Variants in NRG1 observed in about 807,000 individuals in gnomAD.
The protein encoded by NRG1 is pro-neuregulin-1, membrane-bound isoform.
A neutral mutation model predicts 63.8 loss-of-function variants in NRG1; 18 were observed. That is an observed-to-expected ratio of 0.28 (90% CI 0.19 to 0.42). NRG1 has a LOEUF of 0.42. NRG1 is among the 10% of genes least tolerant of loss of function. The pLI is 1.00. For missense variants in NRG1, 762 were observed against 814.7 expected (o/e 0.94, Z 0.79); for synonymous variants, 302 against 301.3 (o/e 1.00, Z -0.02).
chr8:31,804,774 A>G (rs1016492995), intron 1 of NRG1, among the ~76,000 whole-genome samples: 2 of 152,240 alleles, frequency 1.3e-5, no homozygotes, highest in Admixed American at 6.5e-5. Flanking sequence ...TATCTCCTTT[A>G]CTTGTGGTCA....
intron 1 of NRG1, among the ~76,000 whole-genome samples, chr8:31,991,718 T>C (rs1472656287): frequency 1.3e-5 from 2 of 151,932 alleles, no homozygotes; most frequent in African/African-American, 4.8e-5. Flanking sequence ...TGTGGATAGG[T>C]TGCCTATTTT....
At chr8:31,970,437 G>A (rs1300909740) in intron 1 of NRG1, among the ~76,000 whole-genome samples, 1 of 152,138 alleles carries the variant, frequency 6.6e-6, no homozygotes, top group African/African-American at 2.4e-5. Flanking sequence ...TAACCAGGTT[G>A]CCATGTTAAG....
At chr8:32,052,970 G>A (rs1176880689) in intron 1 of NRG1, among the ~76,000 whole-genome samples, 2 of 152,124 alleles carry the variant, frequency 1.3e-5, no homozygotes, top group Non-Finnish European at 2.9e-5. Flanking sequence ...GCTATACTGT[G>A]TCTCCTACCA....
At chr8:32,040,504 A>T (rs1270601265) in intron 1 of NRG1, among the ~76,000 whole-genome samples, 1 of 151,668 alleles carries the variant, frequency 6.6e-6, no homozygotes, top group Non-Finnish European at 1.5e-5. Context: ...TAGTCATTAT[A>T]TGTTATGTCC....
intron 1 of NRG1, among the ~76,000 whole-genome samples, chr8:32,332,776 C>T (rs758361729): frequency 6.6e-6 from 1 of 152,114 alleles, no homozygotes; most frequent in Non-Finnish European, 1.5e-5. Context: ...ACCACCAGAC[C>T]GTGAGGCCTC....
intron 1 of NRG1, among the ~76,000 whole-genome samples, chr8:32,221,603 A>C (rs1032232529): frequency 6.6e-6 from 1 of 152,242 alleles, no homozygotes; most frequent in African/African-American, 2.4e-5. Context: ...AGTAAATCAT[A>C]GTAAAGTAGT....
chr8:32,555,199 C>T (rs949973900), intron 1 of NRG1, among the ~76,000 whole-genome samples: 1 of 152,158 alleles, frequency 6.6e-6, no homozygotes. Flanking sequence ...CTTCCAATCA[C>T]GCCTTACAAC....
chr8:31,840,316 A>G (rs1826072740), intron 1 of NRG1, among the ~76,000 whole-genome samples: 1 of 148,118 alleles, frequency 6.8e-6, no homozygotes, highest in African/African-American at 2.5e-5. Context: ...ATCATCTGTG[A>G]AGAAGGAAAA....
intron 5 of NRG1, among the ~76,000 whole-genome samples, chr8:32,720,439 G>C (rs1283173146): frequency 6.6e-6 from 1 of 152,110 alleles, no homozygotes; most frequent in Non-Finnish European, 1.5e-5. Context: ...TAGACGGATT[G>C]TACTCCTTTA....
chr8:32,389,759 CTTTTTTTTT>C lies in NRG1; in HGVS notation c.38-206058_38-206050del, dbSNP rs201406660. Reference sequence around the variant, plus strand: ...GCAGCTTTTCTTTCAGTCTTTCTTTCTTTTTTTTTTTTTTTTTTTGAAATGGAGTCTCAC... The same window carrying C: ...GCAGCTTTTCTTTCAGTCTTTCTTTCTTTTTTTTTTGAAATGGAGTCTCAC... On this transcript the variant is annotated intron_variant, in intron 1 of 10. Transcript: ENST00000519301. Among the ~76,000 whole-genome samples the C allele has an allele frequency of 9.3e-3, 1,356 of 145,792 alleles. 27 individuals are homozygous for C. The highest frequency in any genetic ancestry group is 0.032 in the African/African-American group (1,278 of 39,622).
chr8:31,981,662 T>G (rs572049578), intron 1 of NRG1, among the ~76,000 whole-genome samples: 1 of 152,078 alleles, frequency 6.6e-6, no homozygotes, highest in East Asian at 1.9e-4. Context: ...TTACCTCAAA[T>G]CCATTCTGCG....
At chr8:31,852,670 ATGAAGTCC>A (rs1563483143) in intron 1 of NRG1, among the ~76,000 whole-genome samples, 1 of 152,016 alleles carries the variant, frequency 6.6e-6, no homozygotes, top group East Asian at 1.9e-4. Context: ...TGTTTTAGAC[ATGAAGTCC>A]TTGCCCATGC....
At chr8:32,240,573 A>G (rs1848000788) in intron 1 of NRG1, among the ~76,000 whole-genome samples, 1 of 152,160 alleles carries the variant, frequency 6.6e-6, no homozygotes. Context: ...GAGTGCATAT[A>G]AGACCAGAGA....
intron 1 of NRG1, among the ~76,000 whole-genome samples, chr8:31,696,153 C>T (rs990203934): frequency 6.6e-6 from 1 of 152,266 alleles, no homozygotes; most frequent in African/African-American, 2.4e-5. Context: ...CTGCAACCTC[C>T]GCCTCACTGG....
chr8:32,144,158 A>G (rs1457072796), intron 1 of NRG1, among the ~76,000 whole-genome samples: 1 of 152,224 alleles, frequency 6.6e-6, no homozygotes. Context: ...GAGAGAGACA[A>G]AGCAACACAG....
intron 1 of NRG1, among the ~76,000 whole-genome samples, chr8:32,087,157 G>A (rs1217781386): frequency 6.6e-6 from 1 of 152,120 alleles, no homozygotes; most frequent in African/African-American, 2.4e-5. Context: ...ATCGCATGTA[G>A]AAACATGATT....
chr8:32,554,142 A>G (rs1384444116), intron 1 of NRG1, among the ~76,000 whole-genome samples: 2 of 152,178 alleles, frequency 1.3e-5, no homozygotes, highest in Admixed American at 1.3e-4. Flanking sequence ...GACAAATAGA[A>G]AAAACAAAAA....
chr8:31,924,191 GA>G (rs1283847147), intron 1 of NRG1, among the ~76,000 whole-genome samples: 575 of 142,466 alleles, frequency 4.0e-3, no homozygotes, highest in Non-Finnish European at 5.4e-3. Flanking sequence ...TGTCTCTACT[GA>G]AAAAAAAAAA....
At chr8:32,652,294 C>T (rs1177398909) in intron 5 of NRG1, among the ~76,000 whole-genome samples, 8 of 152,150 alleles carry the variant, frequency 5.3e-5, no homozygotes, top group Admixed American at 3.3e-4. Flanking sequence ...AATTTTCAGT[C>T]GTGGTGGTCT....
Sources: gnomAD v4.1 joint callset for allele counts (sites outside exome capture counted in the v4.1 genomes callset) on GRCh38, gnomAD v4.1.1 for gene constraint, MANE v1.5 for transcripts, NCBI Gene and HGNC (gene_info 2026-07-23, HGNC 2026-07-21) for gene names.